Variants in BMP5 observed in about 807,000 individuals in gnomAD.
The protein encoded by BMP5 is bone morphogenetic protein 5.
Under a neutral mutation model 46.6 loss-of-function variants are expected in BMP5, and 23 were observed. That is an observed-to-expected ratio of 0.49 (90% confidence interval 0.35 to 0.70). BMP5 has a LOEUF of 0.70. Among genes scored for constraint, BMP5 ranks in the 30% least tolerant of loss-of-function variants. The probability of loss-of-function intolerance (pLI) is 0.00; values close to 1 mark genes in which losing one functional copy is unlikely to be tolerated. For synonymous variants in BMP5, 204 were observed against 191.9 expected, an observed-to-expected ratio of 1.06 and a Z score of -0.52; for missense variants, 545 against 565.6, an observed-to-expected ratio of 0.96 and a Z score of 0.37.
intron 4 of BMP5, among the ~76,000 whole-genome samples, chr6:55,761,579 G>A (rs573204617): frequency 6.6e-6 from 1 of 152,016 alleles, no homozygotes; most frequent in South Asian, 2.1e-4. Context: ...TCCCACTTTA[G>A]AGCCTTTTCT....
At chr6:55,786,196 G>A (rs1261907346) in intron 3 of BMP5, among the ~76,000 whole-genome samples, 1 of 151,612 alleles carries the variant, frequency 6.6e-6, no homozygotes, top group East Asian at 1.9e-4. Context: ...CCTCCTCTAA[G>A]ACAATGCATT....
At chr6:55,850,726 A>G (rs1203641935) in intron 1 of BMP5, among the ~76,000 whole-genome samples, 1 of 152,172 alleles carries the variant, frequency 6.6e-6, no homozygotes, top group Non-Finnish European at 1.5e-5. Context: ...AAATTCTTTC[A>G]TCAAATATTT....
At chr6:55,842,212 GA>G (rs1776978643) in intron 1 of BMP5, among the ~76,000 whole-genome samples, 1 of 152,122 alleles carries the variant, frequency 6.6e-6, no homozygotes, top group Admixed American at 6.6e-5. Flanking sequence ...TGATTTCTTA[GA>G]GCGGATCTAT....
intron 1 of BMP5, among the ~76,000 whole-genome samples, chr6:55,856,596 A>AGTG (rs1288730916): frequency 6.6e-6 from 1 of 152,000 alleles, no homozygotes; most frequent in African/African-American, 2.4e-5. Flanking sequence ...TATGATGTGT[A>AGTG]GTGGTATCTC....
At chr6:55,865,330 C>G (rs1351991152) in intron 1 of BMP5, 1 of 435,768 alleles carries the variant, frequency 2.3e-6, no homozygotes, top group African/African-American at 2.1e-5. Flanking sequence ...AGTTTCCCCT[C>G]CTTAACAAGC....
chr6:55,872,037 T>C (rs926874793), intron 1 of BMP5, among the ~76,000 whole-genome samples: 7 of 151,818 alleles, frequency 4.6e-5, no homozygotes, highest in African/African-American at 1.7e-4. Context: ...GGCACTCTTA[T>C]TGCAGCTAAT....
chr6:55,815,388 T>C (rs974759005), intron 2 of BMP5, among the ~76,000 whole-genome samples: 1 of 152,174 alleles, frequency 6.6e-6, no homozygotes, highest in African/African-American at 2.4e-5. Flanking sequence ...AAATACTATT[T>C]GGCAAATTAA....
chr6:55,798,033 C>T (rs571833901), intron 2 of BMP5, among the ~76,000 whole-genome samples: 57 of 152,216 alleles, frequency 3.7e-4, no homozygotes, highest in African/African-American at 1.1e-3. Flanking sequence ...TTTCTGAAAC[C>T]GGAGGAAAAG....
chr6:55,813,648 G>A (rs148053011), intron 2 of BMP5, among the ~76,000 whole-genome samples: 2,910 of 152,004 alleles, frequency 0.019, 86 homozygotes, highest in African/African-American at 0.066. Context: ...TTAGCCAGGC[G>A]TGGTGGCAGG....
rs1432512865 is a variant in BMP5, at chr6:55,770,682, C to T, written c.1027+3367G>A. On this transcript the variant is annotated intron_variant, in intron 4 of 6. Transcript: ENST00000370830. The stretch of plus-strand genomic sequence containing the variant: ...ATCTGGACTTTCAACATACCTTCCT[C>T]AATAAGCGTAATCATTACTAGCTTT... Among the ~76,000 whole-genome samples the T allele has an allele frequency of 2.0e-5, 3 of 151,932 alleles. No homozygotes were observed. The East Asian group carries it at 5.8e-4, about 29-fold the overall frequency.
chr6:55,872,348 T>A lies in BMP5; in HGVS notation c.490+2028A>T, dbSNP rs1000712606. Among the ~76,000 whole-genome samples, 6 of 151,794 alleles carry A rather than the reference T, an allele frequency of 4.0e-5. No homozygotes were observed. In the East Asian group the frequency reaches 5.8e-4, roughly 15 times the overall value. On this transcript the variant is annotated intron_variant, in intron 1 of 6. Transcript: ENST00000370830. ...TGAATATAAAGCACTACTCAGAAGT[T>A]CAAGCATGATAAAAATAAACACACA...
intron 1 of BMP5, among the ~76,000 whole-genome samples, chr6:55,871,914 T>C (rs1777796471): frequency 1.3e-5 from 2 of 151,878 alleles, no homozygotes; most frequent in Non-Finnish European, 3.0e-5. Context: ...CTCAACTATA[T>C]GCATGTCTTT....
intron 1 of BMP5, among the ~76,000 whole-genome samples, chr6:55,830,670 T>G (rs963717502): frequency 2.0e-5 from 3 of 152,094 alleles, no homozygotes; most frequent in Non-Finnish European, 2.9e-5. Flanking sequence ...TAAGTTTGAC[T>G]TGTTCTTAAT....
At chr6:55,874,342 A>C (rs750330947) in intron 1 of BMP5, 34 bp downstream of exon 1, 170 of 1,612,178 alleles carry the variant, frequency 1.1e-4, no homozygotes, top group Non-Finnish European at 1.3e-4. Flanking sequence ...CCACTTTGTA[A>C]TAACATAGAT....
chr6:55,844,053 A>G (rs1242773780), intron 1 of BMP5, among the ~76,000 whole-genome samples: 1 of 152,022 alleles, frequency 6.6e-6, no homozygotes, highest in Non-Finnish European at 1.5e-5. Flanking sequence ...TGTATTTATA[A>G]TACAGGAAGG....
chr6:55,861,255 A>G (rs1777520498), intron 1 of BMP5, among the ~76,000 whole-genome samples: 1 of 152,194 alleles, frequency 6.6e-6, no homozygotes, highest in Admixed American at 6.5e-5. Context: ...CAGTGGGGTC[A>G]GAGAAGCTGA....
At chr6:55,762,210 C>T (rs983401887) in intron 4 of BMP5, among the ~76,000 whole-genome samples, 1 of 151,880 alleles carries the variant, frequency 6.6e-6, no homozygotes, top group African/African-American at 2.4e-5. Context: ...AACTAGTCCA[C>T]TTTGATTATT....
chr6:55,837,004 T>G (rs1433863468), intron 1 of BMP5, among the ~76,000 whole-genome samples: 1 of 152,062 alleles, frequency 6.6e-6, no homozygotes. Context: ...ATTGAAAGTA[T>G]GGGAAGAATT....
intron 6 of BMP5, among the ~76,000 whole-genome samples, chr6:55,758,572 A>T (rs1774673722): frequency 1.3e-5 from 2 of 151,974 alleles, no homozygotes; most frequent in Non-Finnish European, 2.9e-5. Flanking sequence ...ACTACATTGA[A>T]GAACTTTTAT....
Sources: allele counts gnomAD v4.1 joint callset (sites outside exome capture counted in the v4.1 genomes callset), GRCh38; gene constraint gnomAD v4.1.1; transcripts MANE v1.5; gene names NCBI Gene and HGNC (gene_info 2026-07-23, HGNC 2026-07-21).